The following RBFOX2 variants were observed in gnomAD, a reference collection of about 807,000 sequenced individuals.
The protein encoded by RBFOX2 is RNA binding fox-1 homolog 2.
A neutral mutation model predicts 49.1 loss-of-function variants in RBFOX2; 10 were observed. That is an observed-to-expected ratio of 0.20 (90% CI 0.13 to 0.35). RBFOX2 has a LOEUF of 0.35. RBFOX2 is among the 10% of genes least tolerant of loss of function. The pLI, the probability that RBFOX2 is intolerant of heterozygous loss-of-function variation, is 1.00. For missense variants in RBFOX2, 323 were observed against 486.9 expected, an observed-to-expected ratio of 0.66 and a Z score of 3.17; for synonymous variants, 183 against 187.4, an observed-to-expected ratio of 0.98 and a Z score of 0.19.
exon 12 of RBFOX2, chr22:35,741,144 T>G (rs1400412338): frequency 6.6e-6 from 1 of 152,230 alleles, no homozygotes; most frequent in Non-Finnish European, 1.5e-5. Flanking sequence ...GAAATTGAAC[T>G]AGGTGACATG....
chr22:36,007,522 CATT>C (rs2058663143), intron 1 of RBFOX2, among the ~76,000 whole-genome samples: 1 of 152,100 alleles, frequency 6.6e-6, no homozygotes, highest in Admixed American at 6.6e-5. Flanking sequence ...AATTTTAATA[CATT>C]ATTTTATTTT....
intron 1 of RBFOX2, among the ~76,000 whole-genome samples, chr22:35,877,302 A>G (rs1486410447): frequency 6.6e-6 from 1 of 152,222 alleles, no homozygotes; most frequent in Non-Finnish European, 1.5e-5. Flanking sequence ...AGAGAAAAAA[A>G]AGAGGGGAAA....
chr22:35,890,391 G>A (rs1480296820), intron 1 of RBFOX2, among the ~76,000 whole-genome samples: 1 of 152,122 alleles, frequency 6.6e-6, no homozygotes, highest in African/African-American at 2.4e-5. Flanking sequence ...TAATTTGTAA[G>A]TTAGGCACAG....
At chr22:35,805,395 A>C (rs765135334) in intron 2 of RBFOX2, among the ~76,000 whole-genome samples, 1 of 152,076 alleles carries the variant, frequency 6.6e-6, no homozygotes, top group Non-Finnish European at 1.5e-5. Flanking sequence ...ATTCCATGTC[A>C]TATGTCATCA....
At chr22:35,945,812 A>G (rs2054214604) in intron 1 of RBFOX2, among the ~76,000 whole-genome samples, 1 of 152,142 alleles carries the variant, frequency 6.6e-6, no homozygotes, top group South Asian at 2.1e-4. Context: ...ATACCTAGAG[A>G]TAAGATGAAG....
chr22:36,013,421 T>C (rs2058902895), intron 1 of RBFOX2, among the ~76,000 whole-genome samples: 2 of 152,114 alleles, frequency 1.3e-5, no homozygotes, highest in Admixed American at 1.3e-4. Flanking sequence ...GCACATTACA[T>C]ACAGTATCGC....
intron 1 of RBFOX2, among the ~76,000 whole-genome samples, chr22:35,946,354 T>C (rs968854674): frequency 1.3e-5 from 2 of 152,236 alleles, no homozygotes; most frequent in African/African-American, 4.8e-5. Context: ...GGACGGAACC[T>C]TGGGAGTTGA....
Position 35,777,264 on chromosome 22 carries a change from A to C in RBFOX2, c.453+761T>G, listed in dbSNP as rs1010528590. Among the ~76,000 whole-genome samples the C allele has an allele frequency of 8.5e-5, 13 of 152,304 alleles. No individual in the cohort carries two copies. In the East Asian group the frequency reaches 2.5e-3, roughly 29 times the overall value. ...TGACCTCAGGTGATCCGCCCGCCTC[A>C]GCCTCCCAAAGTGCTGGGATTACAG... On this transcript the variant is annotated intron_variant, in intron 4 of 11. Coordinates refer to ENST00000405409, the Ensembl canonical transcript of RBFOX2.
At chr22:35,822,682 C>T (rs1954781124) in intron 1 of RBFOX2, 1 of 363,440 alleles carries the variant, frequency 2.8e-6, no homozygotes, top group African/African-American at 2.2e-5. Context: ...TGCAGAATGC[C>T]CTCCCTCTCC....
intron 1 of RBFOX2, among the ~76,000 whole-genome samples, chr22:35,977,460 A>G (rs2057228339): frequency 6.6e-6 from 1 of 152,126 alleles, no homozygotes; most frequent in Non-Finnish European, 1.5e-5. Flanking sequence ...TCAAAAAGCT[A>G]CATAATACAT....
In RBFOX2 at chr22:35,830,017, T is replaced by C. The variant is rs561319027; in HGVS notation, c.27+10175A>G. On this transcript the variant is annotated intron_variant, in intron 1 of 11. Coordinates refer to ENST00000405409, the Ensembl canonical transcript of RBFOX2. ...CAAAATCCTCCCAATCTTCTAGCCA[T>C]GTAAAGCATCTATTTCCCAAACTAC... Among the ~76,000 whole-genome samples, 5 of 152,318 alleles carry C rather than the reference T, an allele frequency of 3.3e-5. No individual in the cohort carries two copies. In the South Asian group the frequency reaches 6.2e-4, roughly 19 times the overall value.
chr22:35,943,188 T>C (rs769741884), upstream of RBFOX2, among the ~76,000 whole-genome samples: 1 of 152,238 alleles, frequency 6.6e-6, no homozygotes, highest in African/African-American at 2.4e-5. Context: ...GCCAGTCGAA[T>C]AGTGGGAAAG....
chr22:35,916,803 A>G (rs1270831916), intron 1 of RBFOX2, among the ~76,000 whole-genome samples: 1 of 151,656 alleles, frequency 6.6e-6, no homozygotes, highest in Non-Finnish European at 1.5e-5. Context: ...CTGAGGCAGG[A>G]GGTTTTGCAG....
At chr22:35,989,117 T>G (rs2057852116) in intron 1 of RBFOX2, among the ~76,000 whole-genome samples, 1 of 152,204 alleles carries the variant, frequency 6.6e-6, no homozygotes, top group East Asian at 1.9e-4. Context: ...ACTGAGCAGG[T>G]GGATACAGAC....
intron 1 of RBFOX2, among the ~76,000 whole-genome samples, chr22:35,973,864 C>T (rs1168366248): frequency 1.3e-5 from 2 of 152,182 alleles, no homozygotes; most frequent in African/African-American, 2.4e-5. Flanking sequence ...GACCGACCAC[C>T]TTGTGGGCAG....
At chr22:35,800,560 C>T (rs1252081114) in intron 2 of RBFOX2, among the ~76,000 whole-genome samples, 2 of 152,140 alleles carry the variant, frequency 1.3e-5, no homozygotes, top group Admixed American at 6.5e-5. Context: ...TGAGAACTGA[C>T]GTTCTTAACT....
chr22:35,880,730 C>G (rs1162155866), intron 1 of RBFOX2, among the ~76,000 whole-genome samples: 2 of 151,802 alleles, frequency 1.3e-5, no homozygotes, highest in Non-Finnish European at 2.9e-5. Flanking sequence ...ACCTAAGATT[C>G]ACTGTGAAAT....
chr22:35,906,888 T>A (rs994610984), intron 1 of RBFOX2, among the ~76,000 whole-genome samples: 2 of 152,120 alleles, frequency 1.3e-5, no homozygotes, highest in Non-Finnish European at 2.9e-5. Context: ...AACAAACTAA[T>A]CAATTTTGGA....
intron 1 of RBFOX2, among the ~76,000 whole-genome samples, chr22:35,885,614 C>T (rs2046455719): frequency 6.6e-6 from 1 of 152,000 alleles, no homozygotes; most frequent in African/African-American, 2.4e-5. Flanking sequence ...GATTAAAGTT[C>T]ATCTCACACA....
Sources: allele counts gnomAD v4.1 joint callset (sites outside exome capture counted in the v4.1 genomes callset), GRCh38; gene constraint gnomAD v4.1.1; transcripts MANE v1.5; gene names NCBI Gene and HGNC (gene_info 2026-07-23, HGNC 2026-07-21).